Variants in SRCAP observed in about 807,000 individuals in gnomAD.
SRCAP encodes the protein chromatin remodeling protein SRCAP.
Under a neutral mutation model 263.1 loss-of-function variants are expected in SRCAP, and 46 were observed. The observed-to-expected ratio is 0.17, with a 90% CI of 0.14 to 0.22. SRCAP has a LOEUF of 0.22. SRCAP is among the 10% of genes least tolerant of loss of function. The pLI, the probability that SRCAP is intolerant of heterozygous loss-of-function variation, is 1.00. For synonymous variants in SRCAP, 1,813 were observed against 1,662.1 expected (o/e 1.09, Z -2.21); for missense variants, 3,695 against 4,181.9 (o/e 0.88, Z 3.21).
chr16:30,714,478 G>C (rs1271555274), intron 16 of SRCAP, among the ~76,000 whole-genome samples: 1 of 150,036 alleles, frequency 6.7e-6, no homozygotes, highest in Non-Finnish European at 1.5e-5. Context: ...GAAAATCCTG[G>C]AATTAAAGGT....
chr16:30,733,836 C>CT lies in SRCAP; in HGVS notation c.6494+39dup, dbSNP rs781746893. ...CTTCCCTCACCTTACTTTCCGTTTA[C>CT]TGATGGGGTTTCCTGGATATATTTG... On this transcript the variant is annotated intron_variant, in intron 29 of 33. Transcript: ENST00000262518. This position sits in a 1 kb window ranked among gnomAD's most constrained non-coding sequence, Gnocchi z 5.3. The CT allele has an allele frequency of 3.1e-6, 5 of 1,611,776 alleles. No individual in the cohort carries two copies. In the African/African-American group the frequency reaches 4.0e-5, roughly 13 times the overall value.
At chr16:30,700,352 T>C (rs936122047) in intron 2 of SRCAP, among the ~76,000 whole-genome samples, 3 of 152,240 alleles carry the variant, frequency 2.0e-5, no homozygotes, top group Non-Finnish European at 1.5e-5. Flanking sequence ...GAATCCTTTC[T>C]GCATGGCTAT....
Position 30,704,156 on chromosome 16 carries a change from G to A in SRCAP, c.147G>A (p.Gln49=). 1 of 1,614,204 alleles carries A rather than the reference G, an allele frequency of 6.2e-7. No individual in the cohort carries two copies. Residue 49 remains glutamine (Q), a synonymous_variant, in exon 4 of 34, where the codon CAG becomes CAA. Coordinates refer to ENST00000262518, the MANE Select transcript of SRCAP (RefSeq NM_006662.3). The part of the protein sequence containing the change: ...ASSGAGGISP[Q]HIAQDSSLDG... ...GTGGGGCAGGCGGCATCTCCCCGCA[G>A]CACATAGCTCAAGATTCCTCACTGG...
rs751864490 is a variant in SRCAP at position 30,724,880 on chromosome 16, A to C, written c.5456A>C (p.Gln1819Pro). 20 of 1,614,020 alleles carry C rather than the reference A, an allele frequency of 1.2e-5. No individual in the cohort carries two copies. Among genetic ancestry groups the C allele is most frequent in the Non-Finnish European group, 1.7e-5 (20 of 1,180,034 alleles). Residue 1819 changes from glutamine to proline, a missense_variant, in exon 25 of 34, where the codon CAG becomes CCG. Physicochemically the swap from Gln to Pro is moderately conservative, Grantham distance 76. This residue lies in a region of SRCAP where 1,347 missense variants were observed against 1,304.4 expected (regional missense o/e 1.03). Transcript: ENST00000262518. ...GCCTCCACACAGTCCCCAGCTTCCC[A>C]GGCATCTTCCCTTGTGGTTTCGGCA... Reference protein sequence around the residue: ...APASTQSPASQASSLVVSASG... With the variant: ...APASTQSPASPASSLVVSASG...
rs1298756999 is a variant in SRCAP, at chr16:30,724,738, C to T, written c.5314C>T (p.Pro1772Ser). ...CCCAGCTCACACGCTGACTTTGGCT[C>T]CAGCATCGTCATCTGCTTCACTCCT... is the stretch of plus-strand genomic sequence containing the variant. ...PAPAHTLTLA[P>S]ASSSASLLAP... is the part of the protein sequence containing the mutation. Residue 1772 changes from proline (P) to serine (S), a missense_variant, in exon 25 of 34, where the codon CCA becomes TCA. Physicochemically the swap from Pro to Ser is moderately conservative, Grantham distance 74 (BLOSUM62 -1). This residue lies in a region of SRCAP where 1,347 missense variants were observed against 1,304.4 expected (regional missense o/e 1.03). Coordinates refer to ENST00000262518, the MANE Select transcript of SRCAP (RefSeq NM_006662.3). 1.2e-6 allele frequency: 2 copies of T among 1,613,970 alleles called. No homozygotes were observed. The highest frequency in any genetic ancestry group is 1.7e-6 in the Non-Finnish European group (2 of 1,180,016).
chr16:30,712,619 G>C, intron 13 of SRCAP, 60 bp from the exon 14 acceptor site: 2 of 1,610,134 alleles, frequency 1.2e-6, no homozygotes, highest in East Asian at 2.2e-5. Context: ...GGTTATAACT[G>C]AGAAATCAGA....
At chr16:30,735,915 C>CTT (rs777190973) in intron 31 of SRCAP, among the ~76,000 whole-genome samples, 4 of 138,610 alleles carry the variant, frequency 2.9e-5, no homozygotes, top group Non-Finnish European at 4.7e-5. Context: ...TCTGTGGTGG[C>CTT]TTTTTTTTTT....
In SRCAP at chr16:30,732,427, G is replaced by A. The variant is rs2053122312; in HGVS notation, c.6128-853G>A. ...GATTCCACCATTGCACTCCAGCCTG[G>A]GCAACAAGAGCAAAACTCTGTCTCA... On this transcript the variant is annotated intron_variant, in intron 27 of 33. Transcript: ENST00000262518. Among the ~76,000 whole-genome samples the A allele has an allele frequency of 2.0e-5, 3 of 151,508 alleles. No homozygotes were observed. The South Asian group carries it at 6.2e-4, about 31-fold the overall frequency.
chr16:30,701,821 G>A (rs1183975965), intron 3 of SRCAP, among the ~76,000 whole-genome samples: 2 of 151,606 alleles, frequency 1.3e-5, no homozygotes, highest in Admixed American at 6.6e-5. Flanking sequence ...TAGAGATGGG[G>A]TTTCACCATC....
chr16:30,722,899 T>A lies in SRCAP; in HGVS notation c.3893-64T>A. On this transcript the variant is annotated intron_variant, in intron 23 of 33. Coordinates refer to ENST00000262518, the MANE Select transcript of SRCAP (RefSeq NM_006662.3). ...TGCCACCTTCTCCTGCCCCTGGACT[T>A]CTTCCATTCTTTGGGTCTTTTGTTT... 3 of 1,558,084 alleles carry A rather than the reference T, an allele frequency of 1.9e-6. No individual in the cohort carries two copies. In the East Asian group the frequency reaches 6.8e-5, roughly 35 times the overall value.
intron 18 of SRCAP, among the ~76,000 whole-genome samples, chr16:30,717,217 A>G (rs929046808): frequency 6.6e-6 from 1 of 152,134 alleles, no homozygotes; most frequent in Non-Finnish European, 1.5e-5. Flanking sequence ...AGTGCTGTCA[A>G]GGATCTTTTC....
rs752048256 is a variant in SRCAP, at chr16:30,737,542, C to T, written c.7502C>T (p.Pro2501Leu). ...CCTTGTTCTTCTCCTGCCTGCACCC[C>T]TCCTCCTGCCTGTACCCCTCCACCA... ...IPPCSSPACT[P>L]PPACTPPPAH... The change falls in exon 34 of 34, where the codon CCT becomes CTT. Residue 2501 changes from proline (P) to leucine (L), a missense_variant. Pro to Leu is a moderately conservative substitution (Grantham distance 98). Coordinates refer to ENST00000262518, the MANE Select transcript of SRCAP (RefSeq NM_006662.3). 2 of 1,612,074 alleles carry T rather than the reference C, an allele frequency of 1.2e-6. No homozygotes were observed. Among genetic ancestry groups the T allele is most frequent in the African/African-American group, 1.3e-5 (1 of 74,972 alleles).
chr16:30,721,085 C>G lies in SRCAP; in HGVS notation c.3254-104C>G, dbSNP rs1470129. 1 allele frequency: 1,529,451 copies of G among 1,535,072 alleles called. 762,094 individuals carry two copies. The highest frequency in any genetic ancestry group is 1 in the East Asian group (44,285 of 44,286). On this transcript the variant is annotated intron_variant, in intron 20 of 33. Coordinates refer to ENST00000262518, the MANE Select transcript of SRCAP (RefSeq NM_006662.3). ...GGTTTGAGGAGCTGGGCTGGGGACA[C>G]GGGTCTAGTATTTGATGGGTTGGAA...
Position 30,710,563 on chromosome 16 carries a change from G to C in SRCAP, c.1135-191G>C, listed in dbSNP as rs776756459. On this transcript the variant is annotated intron_variant, in intron 8 of 33. Transcript: ENST00000262518. ...TGGCACTTTCACAGTTCCTTCCCCA[G>C]GCAGTGGGGCCAGGATTTGGTAGCT... 5.1e-6 allele frequency: 4 copies of C among 781,768 alleles called. No individual in the cohort carries two copies. In the East Asian group the frequency reaches 9.8e-5, roughly 19 times the overall value. The allele number at this position is 781,768 out of a possible 1,614,324, so 48.4% of individuals were successfully genotyped here. A position where few individuals can be genotyped will look rare whatever the true frequency, so the allele number is the denominator to read the frequency against.
Position 30,738,650 on chromosome 16 carries a change from A to C in SRCAP, c.8610A>C (p.Pro2870=), listed in dbSNP as rs1224839071. The change falls in exon 34 of 34, where the codon CCA becomes CCC. Residue 2870 remains proline, a synonymous_variant. Transcript: ENST00000262518. ...RGRPPKKNRS[P]ADAGRGVDEA... is the part of the protein sequence containing the mutation. ...GGCCCCCCAAGAAGAACAGGTCTCC[A>C]GCAGATGCTGGGAGAGGTGTGGATG... 6.2e-7 allele frequency: 1 copy of C among 1,612,006 alleles called. No homozygotes were observed. The highest frequency in any genetic ancestry group is 8.5e-7 in the Non-Finnish European group (1 of 1,179,122).
Position 30,716,461 on chromosome 16 carries a change from G to T in SRCAP, c.2799G>T (p.Thr933=), listed in dbSNP as rs1452920128. Residue 933 remains threonine, a synonymous_variant, in exon 18 of 34, where the codon ACG becomes ACT. Coordinates refer to ENST00000262518, the MANE Select transcript of SRCAP (RefSeq NM_006662.3). The part of the protein sequence containing the change: ...FSTASLVLRA[T]DVHPLQRIDM... ...CCGCCTCTCTGGTGCTAAGGGCCACGGATGTCCATCCCCTCCAGGTAAGTA... is the reference window on the plus strand; with the variant it reads ...CCGCCTCTCTGGTGCTAAGGGCCACTGATGTCCATCCCCTCCAGGTAAGTA... 1 of 1,613,218 alleles carries T rather than the reference G, an allele frequency of 6.2e-7. No homozygotes were observed. The highest frequency in any genetic ancestry group is 8.5e-7 in the Non-Finnish European group (1 of 1,179,684).
intron 27 of SRCAP, among the ~76,000 whole-genome samples, chr16:30,732,574 C>T (rs1007414886): frequency 6.6e-6 from 1 of 152,136 alleles, no homozygotes; most frequent in Admixed American, 6.5e-5. Context: ...CTTTACTGTT[C>T]TGATCTGTGA....
At chr16:30,736,098 A>G in intron 31 of SRCAP, 102 bp from the exon 32 acceptor site, 4 of 1,402,612 alleles carry the variant, frequency 2.9e-6, no homozygotes, top group Non-Finnish European at 3.9e-6. Flanking sequence ...TTGCAAACCT[A>G]GTTTGGTGTA....
At chr16:30,714,875 G>T (rs1472514322) in intron 16 of SRCAP, among the ~76,000 whole-genome samples, 1 of 152,096 alleles carries the variant, frequency 6.6e-6, no homozygotes, top group Non-Finnish European at 1.5e-5. Context: ...GAATGGTACT[G>T]CTGATTGATC....
Sources: gnomAD v4.1 joint callset for allele counts (sites outside exome capture counted in the v4.1 genomes callset) on GRCh38, gnomAD v4.1.1 for gene constraint, gnomAD v4.1.1 regional missense constraint, Gnocchi (gnomAD v3.1) non-coding constraint, MANE v1.5 for transcripts, NCBI Gene and HGNC (gene_info 2026-07-23, HGNC 2026-07-21) for gene names.